Variants in RBMS1 observed in about 807,000 individuals in gnomAD.
RBMS1 encodes RNA binding motif single stranded interacting protein 1, also known as RNA-binding motif, single-stranded-interacting protein 1.
A neutral mutation model predicts 62.3 loss-of-function variants in RBMS1; 17 were observed. The observed-to-expected ratio is 0.27, with a 90% confidence interval of 0.19 to 0.41. The LOEUF is 0.41. RBMS1 is among the 10% of genes least tolerant of loss of function. RBMS1 has a pLI of 1.00. For missense variants in RBMS1, 334 were observed against 504.5 expected, an observed-to-expected ratio of 0.66 and a Z score of 3.24; for synonymous variants, 172 against 170.0, an observed-to-expected ratio of 1.01 and a Z score of -0.09.
At chr2:160,363,566 G>A (rs184051536) in intron 2 of RBMS1, among the ~76,000 whole-genome samples, 1 of 152,050 alleles carries the variant, frequency 6.6e-6, no homozygotes, top group East Asian at 1.9e-4. Context: ...GGGAGAAGAA[G>A]GAAGAAGGGC....
At chr2:160,365,572 T>C (rs1331483178) in intron 2 of RBMS1, among the ~76,000 whole-genome samples, 3 of 152,242 alleles carry the variant, frequency 2.0e-5, no homozygotes, top group South Asian at 2.1e-4. Context: ...ATTTACTGTA[T>C]ATAAAACATG....
chr2:160,382,204 G>A (rs1169851594), intron 1 of RBMS1, among the ~76,000 whole-genome samples: 1 of 152,246 alleles, frequency 6.6e-6, no homozygotes, highest in Non-Finnish European at 1.5e-5. Flanking sequence ...GGTGGGTGAA[G>A]TTGGCAAGGG....
intron 2 of RBMS1, among the ~76,000 whole-genome samples, chr2:160,326,005 C>T (rs901380555): frequency 6.6e-6 from 1 of 152,110 alleles, no homozygotes; most frequent in Admixed American, 6.6e-5. Context: ...GATAGCTGCC[C>T]CTTCCACTTG....
intron 2 of RBMS1, among the ~76,000 whole-genome samples, chr2:160,321,357 TTAAC>T (rs1414737373): frequency 6.6e-6 from 1 of 152,174 alleles, no homozygotes; most frequent in Non-Finnish European, 1.5e-5. Flanking sequence ...TTCTCCCTCC[TTAAC>T]TAAGTACTTT....
At chr2:160,449,056 G>C (rs1373219070) in intron 1 of RBMS1, among the ~76,000 whole-genome samples, 1 of 150,210 alleles carries the variant, frequency 6.7e-6, no homozygotes, top group Admixed American at 6.6e-5. Flanking sequence ...CCCTCCGCCC[G>C]GCAGCTGCCC....
chr2:160,393,700 C>G (rs1451706585), intron 1 of RBMS1, among the ~76,000 whole-genome samples: 2 of 151,070 alleles, frequency 1.3e-5, no homozygotes, highest in Non-Finnish European at 2.9e-5. Flanking sequence ...GCACTTGAAT[C>G]TGGGAGGCGG....
chr2:160,379,141 C>T (rs1694151808), intron 1 of RBMS1, among the ~76,000 whole-genome samples: 1 of 151,940 alleles, frequency 6.6e-6, no homozygotes, highest in Non-Finnish European at 1.5e-5. Context: ...ATCACTTGAG[C>T]CCAGTTGGCA....
At chr2:160,398,586 T>C (rs979849668) in intron 1 of RBMS1, among the ~76,000 whole-genome samples, 2 of 152,206 alleles carry the variant, frequency 1.3e-5, no homozygotes, top group African/African-American at 4.8e-5. Flanking sequence ...AGCTGGACAC[T>C]GCAGGATATT....
chr2:160,303,202 T>A, intron 5 of RBMS1, 128 bp downstream of exon 5: 1 of 899,944 alleles, frequency 1.1e-6, no homozygotes, highest in Non-Finnish European at 1.6e-6. Flanking sequence ...ACACATAATT[T>A]AAGTTCACAG....
At chr2:160,322,777 T>G (rs764390038) in intron 2 of RBMS1, among the ~76,000 whole-genome samples, 9 of 152,218 alleles carry the variant, frequency 5.9e-5, no homozygotes, top group Non-Finnish European at 1.0e-4. Flanking sequence ...ATGCAACCCT[T>G]GAAATCCGTC....
At chr2:160,463,972 C>T (rs932411587) in intron 1 of RBMS1, among the ~76,000 whole-genome samples, 2 of 152,134 alleles carry the variant, frequency 1.3e-5, no homozygotes, top group African/African-American at 2.4e-5. Flanking sequence ...AAGCCACCTA[C>T]GATGAACTTA....
At chr2:160,338,896 T>C (rs563855994) in intron 2 of RBMS1, among the ~76,000 whole-genome samples, 1 of 152,310 alleles carries the variant, frequency 6.6e-6, no homozygotes, top group South Asian at 2.1e-4. Flanking sequence ...CAGGCCCTAT[T>C]TGTGCCAGGC....
chr2:160,276,047 T>C (rs1687817086), intron 12 of RBMS1, among the ~76,000 whole-genome samples: 2 of 152,186 alleles, frequency 1.3e-5, no homozygotes, highest in South Asian at 4.1e-4. Context: ...GTGGTATGCA[T>C]ATGCTGTATA....
intron 1 of RBMS1, among the ~76,000 whole-genome samples, chr2:160,484,157 T>C (rs980682198): frequency 6.6e-6 from 1 of 152,076 alleles, no homozygotes; most frequent in African/African-American, 2.4e-5. Flanking sequence ...ATTCTTAACC[T>C]GTGCTCCACA....
At chr2:160,458,495 C>G (rs554823142) in intron 1 of RBMS1, among the ~76,000 whole-genome samples, 7 of 152,212 alleles carry the variant, frequency 4.6e-5, no homozygotes, top group African/African-American at 1.7e-4. Context: ...TCAGAAAACA[C>G]TAACTAAAAG....
intron 7 of RBMS1, among the ~76,000 whole-genome samples, chr2:160,286,617 G>T (rs1052679540): frequency 1.3e-5 from 2 of 152,040 alleles, no homozygotes; most frequent in Non-Finnish European, 2.9e-5. Context: ...ACCGCGCCTA[G>T]CCTACAGAAA....
At chr2:160,481,388 TTAAAG>T (rs984681441) in intron 1 of RBMS1, among the ~76,000 whole-genome samples, 1 of 150,198 alleles carries the variant, frequency 6.7e-6, no homozygotes, top group Non-Finnish European at 1.5e-5. Context: ...ATTCACAATC[TTAAAG>T]TAAGCAGATT....
chr2:160,319,512 A>AAAAAC (rs1232082380), intron 2 of RBMS1, among the ~76,000 whole-genome samples: 4 of 152,200 alleles, frequency 2.6e-5, no homozygotes, highest in East Asian at 1.9e-4. Flanking sequence ...ACTCCATCTC[A>AAAAAC]AAAACAAAAC....
At chr2:160,291,575 A>T (rs1688679508) in intron 6 of RBMS1, among the ~76,000 whole-genome samples, 1 of 152,140 alleles carries the variant, frequency 6.6e-6, no homozygotes, top group Non-Finnish European at 1.5e-5. Context: ...AGGAAGAGCT[A>T]CAGCTTTTCT....
Sources: gnomAD v4.1 joint callset for allele counts (sites outside exome capture counted in the v4.1 genomes callset) on GRCh38, gnomAD v4.1.1 for gene constraint, MANE v1.5 for transcripts, NCBI Gene and HGNC (gene_info 2026-07-23, HGNC 2026-07-21) for gene names.